ZNF273: variants seen among roughly 807,000 people sequenced by gnomAD.
The protein encoded by ZNF273 is zinc finger protein 273, also known as zinc finger protein 9.
ZNF273 carries 11 observed loss-of-function variants against 14.9 expected under a neutral mutation model. The ratio of observed to expected loss-of-function variants is 0.74; its 90% CI spans 0.46 to 1.22. The LOEUF (loss-of-function observed/expected upper bound fraction) is 1.22. Among genes scored for constraint, ZNF273 ranks in the 50% most tolerant of loss-of-function variants. ZNF273 has a pLI of 0.00. For synonymous variants in ZNF273, 199 were observed against 223.9 expected (o/e 0.89, Z 0.99); for missense variants, 577 against 660.6 (o/e 0.87, Z 1.39).
rs574287060 is a variant in ZNF273 at position 64,896,251 on chromosome 7, A to G, written n.489-1097A>G. Among the ~76,000 whole-genome samples the G allele has an allele frequency of 3.9e-4, 60 of 152,298 alleles. No homozygotes were observed. In the South Asian group the frequency reaches 0.012, roughly 31 times the overall value. On this transcript the variant is annotated intron_variant and non_coding_transcript_variant, in intron 3 of 7. Transcript: ENST00000527278. The stretch of plus-strand genomic sequence containing the variant: ...TTTCTAAAGCTCCAAAGGTAATAAC[A>G]AAAAGGGAGTAGAAAAGAAGCCAAG...
chr7:64,915,301 G>T (rs1793893901), intron 1 of ZNF273, among the ~76,000 whole-genome samples: 1 of 151,118 alleles, frequency 6.6e-6, no homozygotes, highest in Non-Finnish European at 1.5e-5. Flanking sequence ...TAACCCAGCG[G>T]CGCTAGAGGA....
intron 1 of ZNF273, among the ~76,000 whole-genome samples, chr7:64,916,482 T>C (rs1295198115): frequency 6.9e-6 from 1 of 145,880 alleles, no homozygotes; most frequent in East Asian, 2.0e-4. Flanking sequence ...GAGGCGAAGA[T>C]TGCACTGAGC....
chr7:64,882,516 AG>A (rs1791292934), downstream of ZNF273: 1 of 152,264 alleles, frequency 6.6e-6, no homozygotes, highest in African/African-American at 2.4e-5. Context: ...GCGGGGCACA[AG>A]GCGCCAGCGG....
downstream of ZNF273, among the ~76,000 whole-genome samples, chr7:64,890,515 A>G (rs912403260): frequency 6.6e-5 from 10 of 152,300 alleles, no homozygotes; most frequent in East Asian, 1.7e-3. Context: ...CCTTCCCAAC[A>G]CAGGGACATA....
At chr7:64,918,167 G>A (rs1794146605) in intron 2 of ZNF273, 30 bp from the exon 3 acceptor site, 2 of 1,532,672 alleles carry the variant, frequency 1.3e-6, no homozygotes, top group East Asian at 2.6e-5. Context: ...ATATGAGCAA[G>A]ATTCATGTTA....
downstream of ZNF273, chr7:64,882,616 T>G (rs6460203): frequency 0.41 from 63,131 of 152,200 alleles, 13,313 homozygotes; most frequent in South Asian, 0.45. Context: ...GGCGTTGGGC[T>G]CTCGCCTGTC....
intron 1 of ZNF273, among the ~76,000 whole-genome samples, chr7:64,907,797 C>A (rs781609701): frequency 1.4e-4 from 21 of 152,202 alleles, no homozygotes; most frequent in Non-Finnish European, 2.8e-4. Context: ...TGTACACAGA[C>A]TGTCACACTG....
chr7:64,914,217 T>C (rs1342017323), intron 1 of ZNF273, among the ~76,000 whole-genome samples: 1 of 115,296 alleles, frequency 8.7e-6, no homozygotes, highest in African/African-American at 3.3e-5. Context: ...TTAGTACAGA[T>C]GGGGTTATGG....
intron 3 of ZNF273, among the ~76,000 whole-genome samples, chr7:64,919,835 T>C (rs1245005084): frequency 6.6e-6 from 1 of 152,196 alleles, no homozygotes; most frequent in Admixed American, 6.5e-5. Context: ...TTGTGGTTTT[T>C]AAAAGATAAG....
chr7:64,926,948 T>G (rs778829448), intron 3 of ZNF273, among the ~76,000 whole-genome samples: 4 of 152,206 alleles, frequency 2.6e-5, no homozygotes, highest in Non-Finnish European at 5.9e-5. Context: ...TGACTCAAAC[T>G]GTTATTCCAT....
chr7:64,888,917 G>A, downstream of ZNF273: 1 of 982,960 alleles, frequency 1.0e-6, no homozygotes, highest in Non-Finnish European at 1.2e-6. Context: ...AAGTCACCCT[G>A]CAAGAGAAAA....
At chr7:64,903,835 A>G (rs1792902141) in intron 1 of ZNF273, among the ~76,000 whole-genome samples, 1 of 152,230 alleles carries the variant, frequency 6.6e-6, no homozygotes. Flanking sequence ...ACAGTCATTC[A>G]CAAATTATAG....
chr7:64,905,479 A>G (rs1269519373), intron 1 of ZNF273, among the ~76,000 whole-genome samples: 1 of 137,026 alleles, frequency 7.3e-6, no homozygotes, highest in Non-Finnish European at 1.5e-5. Flanking sequence ...GATTGTCTTC[A>G]CCCAATCCAG....
intron 1 of ZNF273, among the ~76,000 whole-genome samples, chr7:64,910,325 T>C (rs1484202659): frequency 6.6e-6 from 1 of 152,210 alleles, no homozygotes; most frequent in Non-Finnish European, 1.5e-5. Flanking sequence ...AATTTAAGTC[T>C]TTAATTTATC....
At chr7:64,887,397 G>A (rs1791656129) in intron 1 of ZNF273, among the ~76,000 whole-genome samples, 1 of 152,192 alleles carries the variant, frequency 6.6e-6, no homozygotes, top group African/African-American at 2.4e-5. Flanking sequence ...TGCATGGCAG[G>A]CAGGGCACAT....
chr7:64,912,826 G>GTTTTGTTTTTTTTT (rs746174998), intron 1 of ZNF273, among the ~76,000 whole-genome samples: 1 of 36,568 alleles, frequency 2.7e-5, no homozygotes, highest in Non-Finnish European at 5.7e-5. Context: ...ATTCATTTTA[G>GTTTTGTTTTTTTTT]TTTTTTTTTT....
In ZNF273 at chr7:64,930,393, T is replaced by C. The variant is rs1020623171; in HGVS notation, c.*1355T>C. ...CATGAGGTAGGTGTTCAGAGTAATA[T>C]TCTGCATTATAGTGAAAAATTTTTA... On this transcript the variant is annotated 3_prime_UTR_variant, in exon 4 of 4. Transcript: ENST00000476120. 1 of 152,232 alleles carries C rather than the reference T, an allele frequency of 6.6e-6. No homozygotes were observed. The highest frequency in any genetic ancestry group is 2.4e-5 in the African/African-American group (1 of 41,464). The allele number at this position is 152,232 out of a possible 1,614,324, so 9.4% of individuals were successfully genotyped here.
At chr7:64,889,835 A>T, downstream of ZNF273, 2 of 909,502 alleles carry the variant, frequency 2.2e-6, no homozygotes, top group Non-Finnish European at 2.6e-6. This position sits in a 1 kb window ranked among gnomAD's most constrained non-coding sequence, Gnocchi z 4.2. Flanking sequence ...CGGGCAAGTC[A>T]GTTGCCTCAG....
rs148071853 is a variant in ZNF273, at chr7:64,928,612, A to G, written c.1284A>G (p.Lys428=). The change falls in exon 4 of 4, where the codon AAA becomes AAG. Residue 428 remains lysine, a synonymous_variant. Transcript: ENST00000476120. ...ATAAGAGAATTTATACTAAAGAGAAACCATACAAATGTGAAGAATGTGGAA... is the reference window on the plus strand; with the variant it reads ...ATAAGAGAATTTATACTAAAGAGAAGCCATACAAATGTGAAGAATGTGGAA... ...TKHKRIYTKE[K]PYKCEECGKA... 3.0e-5 allele frequency: 49 copies of G among 1,613,202 alleles called. No individual in the cohort carries two copies. The African/African-American group carries it at 5.5e-4, about 18-fold the overall frequency.
Sources: gnomAD v4.1 joint callset for allele counts (sites outside exome capture counted in the v4.1 genomes callset) on GRCh38, gnomAD v4.1.1 for gene constraint, Gnocchi (gnomAD v3.1) non-coding constraint, MANE v1.5 for transcripts, NCBI Gene and HGNC (gene_info 2026-07-23, HGNC 2026-07-21) for gene names.